PPM1E: variants seen among roughly 807,000 people sequenced by gnomAD.
PPM1E encodes protein phosphatase 1E.
In PPM1E, 20 loss-of-function variants were observed where a neutral mutation model predicts 65.9. The observed-to-expected ratio is 0.30, with a 90% confidence interval of 0.21 to 0.44. The LOEUF is 0.44. PPM1E is among the 20% of genes least tolerant of loss of function. The pLI, the probability that PPM1E is intolerant of heterozygous loss-of-function variation, is 1.00. For missense variants in PPM1E, 713 were observed against 953.1 expected, an observed-to-expected ratio of 0.75 and a Z score of 3.32; for synonymous variants, 352 against 374.9, an observed-to-expected ratio of 0.94 and a Z score of 0.70.
chr17:58,940,151 G>C (rs571856922), intron 1 of PPM1E, among the ~76,000 whole-genome samples: 2 of 152,258 alleles, frequency 1.3e-5, no homozygotes, highest in South Asian at 4.1e-4. Flanking sequence ...AGTATTTTAA[G>C]AGAAATGATG....
At chr17:58,772,844 C>T (rs1437259002) in intron 1 of PPM1E, among the ~76,000 whole-genome samples, 1 of 152,140 alleles carries the variant, frequency 6.6e-6, no homozygotes, top group Non-Finnish European at 1.5e-5. Context: ...AAGTCACAGA[C>T]ATGTCACATA....
At chr17:58,820,439 T>A (rs2050467961) in intron 1 of PPM1E, among the ~76,000 whole-genome samples, 1 of 152,132 alleles carries the variant, frequency 6.6e-6, no homozygotes, top group Non-Finnish European at 1.5e-5. Context: ...TTAAAGAAGA[T>A]AATAATAATA....
intron 1 of PPM1E, among the ~76,000 whole-genome samples, chr17:58,881,587 G>A (rs981228712): frequency 3.3e-5 from 5 of 151,986 alleles, no homozygotes; most frequent in Admixed American, 6.6e-5. Context: ...GCCTGAACCC[G>A]GGAGGTGGAG....
At chr17:58,969,353 A>AC in intron 3 of PPM1E, 186 bp from the exon 4 acceptor site, 1 of 704,872 alleles carries the variant, frequency 1.4e-6, no homozygotes, top group South Asian at 1.5e-5. Flanking sequence ...AAACACAGAT[A>AC]CCCTAATATT....
chr17:58,788,769 C>T (rs1043024033), intron 1 of PPM1E, among the ~76,000 whole-genome samples: 5 of 152,080 alleles, frequency 3.3e-5, no homozygotes, highest in Non-Finnish European at 4.4e-5. Flanking sequence ...CTTTTTCTGC[C>T]GCCTCAGTCT....
At chr17:58,884,347 T>C (rs541500812) in intron 1 of PPM1E, among the ~76,000 whole-genome samples, 1 of 152,168 alleles carries the variant, frequency 6.6e-6, no homozygotes, top group Non-Finnish European at 1.5e-5. Context: ...ACTGCCAGTT[T>C]AGGACTTGGC....
At chr17:58,962,159 C>T (rs2030051549) in intron 2 of PPM1E, among the ~76,000 whole-genome samples, 2 of 151,930 alleles carry the variant, frequency 1.3e-5, no homozygotes, top group Non-Finnish European at 2.9e-5. Flanking sequence ...TGGTGCATAC[C>T]TGTAATCCCA....
chr17:58,798,899 G>A (rs1453668787), intron 1 of PPM1E, among the ~76,000 whole-genome samples: 1 of 151,982 alleles, frequency 6.6e-6, no homozygotes, highest in Non-Finnish European at 1.5e-5. Context: ...TCACTATGTT[G>A]GCCAGGCTGG....
chr17:58,953,452 T>C (rs1305539207), intron 1 of PPM1E, among the ~76,000 whole-genome samples: 2 of 152,018 alleles, frequency 1.3e-5, no homozygotes, highest in Non-Finnish European at 2.9e-5. Flanking sequence ...AATAATCAGA[T>C]CTCACAGGAA....
Position 58,960,545 on chromosome 17 carries a change from A to AG in PPM1E, c.583+4781dup, listed in dbSNP as rs562617660. Among the ~76,000 whole-genome samples, 1,489 of 152,132 alleles carry AG rather than the reference A, an allele frequency of 9.8e-3. 10 individuals are homozygous for AG. Among genetic ancestry groups the AG allele is most frequent in the South Asian group, 0.026 (127 of 4,822 alleles). On this transcript the variant is annotated intron_variant, in intron 2 of 6. Coordinates refer to ENST00000308249, the MANE Select transcript of PPM1E (RefSeq NM_014906.5). ...ATCCCAGCACTTTGGGAGGCCAAGG[A>AG]GGGTACATCACTTGAGGTCAGGAGC... is the stretch of plus-strand genomic sequence containing the variant.
intron 1 of PPM1E, among the ~76,000 whole-genome samples, chr17:58,941,937 G>A (rs1227059662): frequency 4.0e-5 from 6 of 150,408 alleles, no homozygotes; most frequent in Admixed American, 4.0e-4. Context: ...CCTGGGAGGT[G>A]GAGGTTGCAG....
At chr17:58,876,733 C>G (rs1231231868) in intron 1 of PPM1E, among the ~76,000 whole-genome samples, 1 of 152,154 alleles carries the variant, frequency 6.6e-6, no homozygotes, top group Non-Finnish European at 1.5e-5. Context: ...TATTAGATGT[C>G]TTCAGGAAGT....
intron 1 of PPM1E, among the ~76,000 whole-genome samples, chr17:58,928,593 G>A (rs1238407943): frequency 1.3e-5 from 2 of 151,820 alleles, no homozygotes; most frequent in Non-Finnish European, 2.9e-5. Flanking sequence ...AGGGCTGGCT[G>A]TTTTGTGTAA....
chr17:58,885,055 CTT>C (rs891284827), intron 1 of PPM1E, among the ~76,000 whole-genome samples: 33 of 151,972 alleles, frequency 2.2e-4, no homozygotes, highest in African/African-American at 8.0e-4. Context: ...TTTTAACAAT[CTT>C]ATTTTATTTA....
chr17:58,760,254 T>A (rs1208167081), intron 1 of PPM1E, among the ~76,000 whole-genome samples: 1 of 152,196 alleles, frequency 6.6e-6, no homozygotes, highest in East Asian at 1.9e-4. Flanking sequence ...GGCTCCCAAC[T>A]CTATCTCCAT....
intron 1 of PPM1E, among the ~76,000 whole-genome samples, chr17:58,907,613 T>C (rs2051574458): frequency 6.6e-6 from 1 of 152,222 alleles, no homozygotes; most frequent in South Asian, 2.1e-4. Flanking sequence ...TAGTAGTGGA[T>C]TCATCTCTTT....
chr17:58,964,520 A>G (rs989747577), intron 2 of PPM1E, among the ~76,000 whole-genome samples: 2 of 152,136 alleles, frequency 1.3e-5, no homozygotes, highest in Admixed American at 6.6e-5. Flanking sequence ...GTGAAGCGGT[A>G]GACATAGGTG....
At chr17:58,886,067 A>T (rs571848213) in intron 1 of PPM1E, among the ~76,000 whole-genome samples, 1 of 152,272 alleles carries the variant, frequency 6.6e-6, no homozygotes, top group East Asian at 1.9e-4. Flanking sequence ...CTCCACTATA[A>T]CAAGTCAGAT....
intron 1 of PPM1E, among the ~76,000 whole-genome samples, chr17:58,824,197 A>T (rs889990498): frequency 5.9e-5 from 9 of 152,224 alleles, no homozygotes; most frequent in Non-Finnish European, 1.3e-4. Context: ...GAAAATGTAC[A>T]TAACAATTAT....
Sources: gnomAD v4.1 joint callset for allele counts (sites outside exome capture counted in the v4.1 genomes callset) on GRCh38, gnomAD v4.1.1 for gene constraint, MANE v1.5 for transcripts, NCBI Gene and HGNC (gene_info 2026-07-23, HGNC 2026-07-21) for gene names.